Variants in RAPGEF1 observed in about 807,000 individuals in gnomAD.
RAPGEF1 encodes CRK SH3-binding GNRP.
A neutral mutation model predicts 143.3 loss-of-function variants in RAPGEF1; 33 were observed. The ratio of observed to expected loss-of-function variants is 0.23; its 90% CI spans 0.17 to 0.31. The LOEUF is 0.31. RAPGEF1 is among the 10% of genes least tolerant of loss of function. RAPGEF1 has a pLI of 1.00. For missense variants in RAPGEF1, 1,199 were observed against 1,645.4 expected (o/e 0.73, Z 4.69); for synonymous variants, 629 against 676.5 (o/e 0.93, Z 1.09).
chr9:131,591,222 G>T (rs771320990), intron 18 of RAPGEF1, among the ~76,000 whole-genome samples: 4 of 152,254 alleles, frequency 2.6e-5, no homozygotes, highest in Non-Finnish European at 5.9e-5. Flanking sequence ...AACACGAGGG[G>T]AGAATAGGAG....
intron 1 of RAPGEF1, among the ~76,000 whole-genome samples, chr9:131,715,138 T>C (rs531857651): frequency 3.6e-4 from 55 of 152,312 alleles, no homozygotes; most frequent in African/African-American, 1.2e-3. Context: ...TGCAAACTTA[T>C]AGATCAGTCT....
At chr9:131,683,008 A>G (rs988435876) in intron 1 of RAPGEF1, among the ~76,000 whole-genome samples, 17 of 152,174 alleles carry the variant, frequency 1.1e-4, no homozygotes, top group African/African-American at 4.1e-4. Flanking sequence ...TTCTGTACCT[A>G]TAAATTTATG....
chr9:131,657,320 C>T (rs1298610178), intron 1 of RAPGEF1, among the ~76,000 whole-genome samples: 6 of 152,174 alleles, frequency 3.9e-5, no homozygotes, highest in Admixed American at 3.3e-4. Flanking sequence ...TGGAGGGCGA[C>T]GTGAAGGGAG....
chr9:131,737,532 G>A, intron 1 of RAPGEF1: 1 of 1,611,044 alleles, frequency 6.2e-7, no homozygotes, highest in Non-Finnish European at 8.5e-7. Flanking sequence ...GCGGTGCCCA[G>A]AAAAGGCCCA....
chr9:131,594,091 G>T (rs1954826684), intron 17 of RAPGEF1, among the ~76,000 whole-genome samples: 1 of 152,176 alleles, frequency 6.6e-6, no homozygotes, highest in Non-Finnish European at 1.5e-5. Context: ...CAATGTGGCG[G>T]GGTCGGCGCC....
At chr9:131,730,623 A>AC (rs1554738734) in intron 1 of RAPGEF1, among the ~76,000 whole-genome samples, 21 of 137,888 alleles carry the variant, frequency 1.5e-4, no homozygotes, top group Admixed American at 4.0e-4. Flanking sequence ...TGAACCTGGG[A>AC]GGGGGAGGTT....
intron 25 of RAPGEF1, among the ~76,000 whole-genome samples, chr9:131,580,714 A>C (rs1202073164): frequency 6.6e-6 from 1 of 152,136 alleles, no homozygotes; most frequent in Non-Finnish European, 1.5e-5. Context: ...TAAAAAAAAA[A>C]AATAACAAAA....
chr9:131,652,940 TGA>T, intron 1 of RAPGEF1, among the ~76,000 whole-genome samples: 1 of 152,214 alleles, frequency 6.6e-6, no homozygotes, highest in Non-Finnish European at 1.5e-5. Context: ...CTGGATGTAA[TGA>T]TGGCTACATC....
chr9:131,613,527 G>A (rs533307007), intron 12 of RAPGEF1, among the ~76,000 whole-genome samples: 8 of 152,322 alleles, frequency 5.3e-5, no homozygotes, highest in Non-Finnish European at 1.2e-4. Flanking sequence ...ACATGGGGGT[G>A]GGGAGGAAGT....
At chr9:131,734,875 C>T (rs1221607511) in intron 1 of RAPGEF1, among the ~76,000 whole-genome samples, 1 of 152,178 alleles carries the variant, frequency 6.6e-6, no homozygotes, top group East Asian at 1.9e-4. Flanking sequence ...GCGTGAGACA[C>T]CTATTTATTC....
chr9:131,658,030 T>G (rs1588840051), intron 1 of RAPGEF1, among the ~76,000 whole-genome samples: 2 of 152,226 alleles, frequency 1.3e-5, no homozygotes, highest in African/African-American at 4.8e-5. Flanking sequence ...ATCCCAGCTT[T>G]ATTTATCTGC....
At chr9:131,665,188 T>C (rs1254326524) in intron 1 of RAPGEF1, among the ~76,000 whole-genome samples, 2 of 152,230 alleles carry the variant, frequency 1.3e-5, no homozygotes, top group East Asian at 3.8e-4. Context: ...GTGATTCCCT[T>C]GGACATTTGA....
intron 1 of RAPGEF1, among the ~76,000 whole-genome samples, chr9:131,702,781 T>A (rs1194736527): frequency 6.6e-6 from 1 of 152,166 alleles, no homozygotes; most frequent in Non-Finnish European, 1.5e-5. Flanking sequence ...CTGTAAAAAG[T>A]GGAAATAATT....
chr9:131,711,329 G>C (rs1235353023), intron 1 of RAPGEF1, among the ~76,000 whole-genome samples: 2 of 151,100 alleles, frequency 1.3e-5, no homozygotes, highest in Non-Finnish European at 2.9e-5. Flanking sequence ...TGGGATTACA[G>C]GTGTGAGCCA....
At chr9:131,588,146 G>C in intron 20 of RAPGEF1, 120 bp from the exon 21 acceptor site, 1 of 864,906 alleles carries the variant, frequency 1.2e-6, no homozygotes, top group Non-Finnish European at 1.8e-6. Flanking sequence ...GGAGCGTGGA[G>C]GCTACAGGGC....
chr9:131,599,851 C>G (rs1335852177), intron 15 of RAPGEF1, among the ~76,000 whole-genome samples: 1 of 152,192 alleles, frequency 6.6e-6, no homozygotes, highest in Admixed American at 6.5e-5. Context: ...AACGTGGTGG[C>G]TCACGCCTGT....
At chr9:131,694,531 G>A (rs1412117767) in intron 1 of RAPGEF1, among the ~76,000 whole-genome samples, 1 of 152,164 alleles carries the variant, frequency 6.6e-6, no homozygotes, top group Non-Finnish European at 1.5e-5. Context: ...ACCCAAGGCT[G>A]GCACGCTCTC....
intron 1 of RAPGEF1, among the ~76,000 whole-genome samples, chr9:131,716,033 G>A (rs539313731): frequency 1.1e-4 from 16 of 152,206 alleles, no homozygotes; most frequent in Admixed American, 9.8e-4. Context: ...GCCGACCCAC[G>A]TCTGCAGGGG....
At chr9:131,733,799 G>A (rs1218022190) in intron 1 of RAPGEF1, among the ~76,000 whole-genome samples, 3 of 152,144 alleles carry the variant, frequency 2.0e-5, no homozygotes, top group Admixed American at 6.5e-5. Context: ...TGGCACTCAA[G>A]GCAATCTCCA....
Sources: gnomAD v4.1 joint callset for allele counts (sites outside exome capture counted in the v4.1 genomes callset) on GRCh38, gnomAD v4.1.1 for gene constraint, MANE v1.5 for transcripts, NCBI Gene and HGNC (gene_info 2026-07-23, HGNC 2026-07-21) for gene names.